Variants in DAB1 observed in about 807,000 individuals in gnomAD.
The protein encoded by DAB1 is disabled homolog 1.
Under a neutral mutation model 64.6 loss-of-function variants are expected in DAB1, and 15 were observed. The ratio of observed to expected loss-of-function variants is 0.23; its 90% CI spans 0.16 to 0.36. The LOEUF (loss-of-function observed/expected upper bound fraction) is 0.36. DAB1 is among the 10% of genes least tolerant of loss of function. The probability of loss-of-function intolerance (pLI) is 1.00; values close to 1 mark genes in which losing one functional copy is unlikely to be tolerated. For missense variants in DAB1, 596 were observed against 706.7 expected, an observed-to-expected ratio of 0.84 and a Z score of 1.78; for synonymous variants, 235 against 251.9, an observed-to-expected ratio of 0.93 and a Z score of 0.64.
intron 7 of DAB1, among the ~76,000 whole-genome samples, chr1:57,608,684 T>A (rs1025225588): frequency 3.3e-5 from 5 of 152,180 alleles, no homozygotes; most frequent in African/African-American, 1.2e-4. Flanking sequence ...ATTATTCCCA[T>A]TACACAGACA....
At chr1:57,708,799 T>G (rs1051571671) in intron 6 of DAB1, among the ~76,000 whole-genome samples, 13 of 152,152 alleles carry the variant, frequency 8.5e-5, no homozygotes, top group African/African-American at 2.9e-4. Flanking sequence ...TGCTTGGGTT[T>G]GAGGGAGGGA....
intron 4 of DAB1, among the ~76,000 whole-genome samples, chr1:58,303,721 A>C (rs2100465615): frequency 6.6e-6 from 1 of 152,310 alleles, no homozygotes; most frequent in Non-Finnish European, 1.5e-5. Context: ...GAAACAAGGC[A>C]AGGTCTGAGC....
downstream of DAB1, among the ~76,000 whole-genome samples, chr1:57,824,952 T>C (rs115847744): frequency 2.2e-3 from 330 of 152,302 alleles, 1 homozygote; most frequent in African/African-American, 7.6e-3. Context: ...GGGGGAGTGC[T>C]TCCCATGAGG....
chr1:58,442,108 C>T (rs889324583), intron 3 of DAB1, among the ~76,000 whole-genome samples: 17 of 152,116 alleles, frequency 1.1e-4, no homozygotes, highest in Non-Finnish European at 1.5e-4. Flanking sequence ...TTTCATTCTG[C>T]TTTATTTATT....
chr1:58,048,337 G>C (rs1193958794), intron 5 of DAB1: 1 of 1,055,574 alleles, frequency 9.5e-7, no homozygotes, highest in East Asian at 2.4e-5. Flanking sequence ...AAAACTGATT[G>C]TTTTAATTGC....
intron 3 of DAB1, among the ~76,000 whole-genome samples, chr1:58,433,726 C>T (rs915452509): frequency 6.6e-6 from 1 of 151,164 alleles, no homozygotes; most frequent in Non-Finnish European, 1.5e-5. Flanking sequence ...AATCAGGAAC[C>T]CATTCACACA....
At chr1:58,373,466 T>A (rs1248717674) in intron 3 of DAB1, among the ~76,000 whole-genome samples, 6 of 151,360 alleles carry the variant, frequency 4.0e-5, no homozygotes, top group Non-Finnish European at 8.8e-5. Context: ...AATGATGGTT[T>A]CCAACTTCAT....
chr1:57,913,282 T>A (rs1299926827), intron 5 of DAB1, among the ~76,000 whole-genome samples: 4 of 151,986 alleles, frequency 2.6e-5, no homozygotes, highest in African/African-American at 9.7e-5. Flanking sequence ...CCCTCAGAAA[T>A]AATGCCACAC....
At chr1:58,049,384 T>C (rs547047157) in intron 5 of DAB1, 2 of 527,768 alleles carry the variant, frequency 3.8e-6, no homozygotes, top group African/African-American at 3.8e-5. Flanking sequence ...TAACCTGAAC[T>C]ATTTTTGCAC....
At chr1:57,287,157 C>T (rs1318885013) in intron 2 of DAB1, among the ~76,000 whole-genome samples, 4 of 152,160 alleles carry the variant, frequency 2.6e-5, no homozygotes, top group Admixed American at 6.5e-5. Context: ...CTGCAAACTC[C>T]AATTCATGGG....
intron 7 of DAB1, among the ~76,000 whole-genome samples, chr1:57,612,195 T>TTGTGTG (rs58605325): frequency 2.6e-3 from 382 of 149,662 alleles, no homozygotes; most frequent in African/African-American, 4.9e-3. Flanking sequence ...TGGCATGATC[T>TTGTGTG]TGTGTGTGTG....
chr1:58,267,603 G>A (rs1023001494), intron 4 of DAB1, among the ~76,000 whole-genome samples: 1 of 152,188 alleles, frequency 6.6e-6, no homozygotes, highest in Non-Finnish European at 1.5e-5. Flanking sequence ...AAAAGGGGTG[G>A]TGTGAGGTCA....
At chr1:57,435,102 G>T (rs980933890) in intron 7 of DAB1, among the ~76,000 whole-genome samples, 2 of 140,654 alleles carry the variant, frequency 1.4e-5, no homozygotes, top group African/African-American at 5.4e-5. Flanking sequence ...AGGCTGGAGC[G>T]TAGTGGCATG....
intron 9 of DAB1, among the ~76,000 whole-genome samples, chr1:57,050,461 T>C (rs1325961526): frequency 6.6e-6 from 1 of 152,224 alleles, no homozygotes; most frequent in Non-Finnish European, 1.5e-5. Context: ...GGAGGCACCC[T>C]ATGGTCCTGC....
intron 1 of DAB1, among the ~76,000 whole-genome samples, chr1:57,404,565 A>C (rs1683484378): frequency 6.6e-6 from 1 of 152,196 alleles, no homozygotes; most frequent in South Asian, 2.1e-4. Flanking sequence ...ACTGGGTAGA[A>C]GTATAAATGA....
At chr1:57,256,946 A>T (rs558666056) in intron 2 of DAB1, among the ~76,000 whole-genome samples, 1 of 152,312 alleles carries the variant, frequency 6.6e-6, no homozygotes, top group East Asian at 1.9e-4. Context: ...ACCTAGTCTG[A>T]CTGAAGCAGG....
At chr1:58,366,835 C>T (rs1266829696) in intron 3 of DAB1, among the ~76,000 whole-genome samples, 1 of 152,196 alleles carries the variant, frequency 6.6e-6, no homozygotes, top group African/African-American at 2.4e-5. Context: ...CAGCACTGCA[C>T]ATTTATAGTT....
rs533324467 is a variant in DAB1 at position 58,291,904 on chromosome 1, CTG to C, written n.309+51446_309+51447del. ...AGAGTACCCAGCTTAAAAATTATTTCTGTGTGTGTCTCTGAAGATGTTTCTGG... is the reference window on the plus strand; with the variant it reads ...AGAGTACCCAGCTTAAAAATTATTTCTGTGTGTCTCTGAAGATGTTTCTGG... On this transcript the variant is annotated intron_variant and non_coding_transcript_variant, in intron 4 of 20. Transcript: ENST00000485760. Among the ~76,000 whole-genome samples, 19 of 152,286 alleles carry C rather than the reference CTG, an allele frequency of 1.2e-4. No homozygotes were observed. The East Asian group carries it at 3.5e-3, about 28-fold the overall frequency.
chr1:58,507,331 T>G (rs1414472307), intron 2 of DAB1, among the ~76,000 whole-genome samples: 1 of 151,944 alleles, frequency 6.6e-6, no homozygotes, highest in Non-Finnish European at 1.5e-5. Flanking sequence ...AGATTTATAA[T>G]AGTGTAATTG....
Sources: allele counts gnomAD v4.1 joint callset (sites outside exome capture counted in the v4.1 genomes callset), GRCh38; gene constraint gnomAD v4.1.1; transcripts MANE v1.5; gene names NCBI Gene and HGNC (gene_info 2026-07-23, HGNC 2026-07-21).